Variants in AGBL1 observed in about 807,000 individuals in gnomAD.
AGBL1 encodes the protein AGBL carboxypeptidase 1, also known as cytosolic carboxypeptidase 4.
AGBL1 carries 130 observed loss-of-function variants against 118.9 expected under a neutral mutation model. The ratio of observed to expected loss-of-function variants is 1.09; its 90% CI spans 0.95 to 1.26. AGBL1 has a LOEUF of 1.26. Ranked by LOEUF, AGBL1 falls within the 50% of genes most tolerant of loss-of-function variation. The probability of loss-of-function intolerance (pLI) is 0.00; values close to 1 mark genes in which losing one functional copy is unlikely to be tolerated. For synonymous variants in AGBL1, 555 were observed against 478.9 expected (o/e 1.16, Z -2.08); for missense variants, 1,584 against 1,298.1 (o/e 1.22, Z -3.38).
rs1387752584 is a variant in AGBL1 at position 86,266,467 on chromosome 15, C to G, written c.1751+10C>G. On this transcript the variant is annotated intron_variant, in intron 12 of 22. Transcript: ENST00000614907. Reference sequence around the variant, plus strand: ...GTTTAGATGAGCCTTGGTAGGTAGTCTCGTGCATCTGAGGAAGGTGGGGCA... The same window carrying G: ...GTTTAGATGAGCCTTGGTAGGTAGTGTCGTGCATCTGAGGAAGGTGGGGCA... 2.6e-6 allele frequency: 4 copies of G among 1,550,002 alleles called. No individual in the cohort carries two copies. The highest frequency in any genetic ancestry group is 2.6e-6 in the Non-Finnish European group (3 of 1,142,552).
intron 22 of AGBL1, among the ~76,000 whole-genome samples, chr15:86,802,709 T>C (rs193019062): frequency 1.3e-5 from 2 of 152,154 alleles, no homozygotes; most frequent in Non-Finnish European, 2.9e-5. Context: ...CTCAATATTG[T>C]GCTATAAATG....
intron 22 of AGBL1, among the ~76,000 whole-genome samples, chr15:86,717,726 C>A (rs1324619646): frequency 6.6e-6 from 1 of 152,038 alleles, no homozygotes; most frequent in Non-Finnish European, 1.5e-5. Flanking sequence ...TGATACCTCC[C>A]AGAAAAATGG....
At chr15:87,018,406 A>G (rs2081629055) in intron 24 of AGBL1, among the ~76,000 whole-genome samples, 1 of 152,170 alleles carries the variant, frequency 6.6e-6, no homozygotes, top group Admixed American at 6.5e-5. Context: ...TCAGACTAAC[A>G]ATGGACATCT....
At chr15:86,883,503 A>G (rs1391956345) in intron 22 of AGBL1, among the ~76,000 whole-genome samples, 1 of 152,150 alleles carries the variant, frequency 6.6e-6, no homozygotes, top group Non-Finnish European at 1.5e-5. Context: ...TCCTCTTTAG[A>G]GACACCTTTC....
chr15:86,735,602 C>CTGTGTGTA (rs2077581324), intron 22 of AGBL1, among the ~76,000 whole-genome samples: 1 of 141,916 alleles, frequency 7.0e-6, no homozygotes, highest in African/African-American at 2.7e-5. Context: ...GAGATACAGA[C>CTGTGTGTA]TGTGTGTGTG....
rs146344965 is a variant in AGBL1 at position 86,311,328 on chromosome 15, A to T, written c.2374+15920A>T. Among the ~76,000 whole-genome samples, 209 of 152,282 alleles carry T rather than the reference A, an allele frequency of 1.4e-3. 4 individuals carry two copies. The East Asian group carries it at 0.036, about 26-fold the overall frequency. On this transcript the variant is annotated intron_variant, in intron 17 of 22. Transcript: ENST00000614907. ...TACCCCCTTGATCTTTCTACTTTAC[A>T]TGCTACTTTCTTCCATTAGAAAGAA...
intron 18 of AGBL1, among the ~76,000 whole-genome samples, chr15:86,459,304 G>T (rs947674294): frequency 3.9e-5 from 6 of 152,022 alleles, no homozygotes; most frequent in Non-Finnish European, 8.8e-5. Context: ...TTTTCCTCTG[G>T]CCTAATTTCA....
At chr15:86,770,275 A>C (rs949869095) in intron 22 of AGBL1, among the ~76,000 whole-genome samples, 1 of 151,954 alleles carries the variant, frequency 6.6e-6, no homozygotes, top group Admixed American at 6.6e-5. Context: ...AGATACATAA[A>C]TAACTATCAC....
At chr15:86,564,924 G>T (rs558908959) in intron 21 of AGBL1, among the ~76,000 whole-genome samples, 1 of 152,116 alleles carries the variant, frequency 6.6e-6, no homozygotes, top group East Asian at 1.9e-4. Context: ...TGATCGAATT[G>T]CCTACTGGAG....
chr15:86,677,316 C>T (rs1475626684), intron 22 of AGBL1, among the ~76,000 whole-genome samples: 5 of 152,152 alleles, frequency 3.3e-5, no homozygotes, highest in South Asian at 2.1e-4. Flanking sequence ...TTTTTGGTTT[C>T]CTTTTGCAGT....
intron 24 of AGBL1, among the ~76,000 whole-genome samples, chr15:87,007,694 G>A (rs1400383916): frequency 6.6e-6 from 1 of 152,174 alleles, no homozygotes; most frequent in African/African-American, 2.4e-5. Flanking sequence ...TTTGCTGGTG[G>A]AAGAATCAGC....
chr15:86,750,709 A>AT (rs2077836868), intron 22 of AGBL1, among the ~76,000 whole-genome samples: 1 of 151,938 alleles, frequency 6.6e-6, no homozygotes, highest in Admixed American at 6.6e-5. Flanking sequence ...TGTCATGGGC[A>AT]TTTGTTGTAC....
chr15:86,940,060 C>CTTTTTTTTTT lies in AGBL1; in HGVS notation c.3222-47908_3222-47899dup, dbSNP rs5814267. Among the ~76,000 whole-genome samples, 11 of 59,454 alleles carry CTTTTTTTTTT rather than the reference C, an allele frequency of 1.9e-4. 1 individual carries two copies. The highest frequency in any genetic ancestry group is 6.7e-4 in the East Asian group (1 of 1,484). 39.0% of individuals were successfully genotyped at this position (59,454 alleles called of 152,430 possible). ...ACAAACTCAGCTAATTTTGGTAGTC[C>CTTTTTTTTTT]TTTTTTTTTTTTTTTTTTTTTTTTT... On this transcript the variant is annotated intron_variant, in intron 23 of 24. Coordinates refer to the AGBL1 transcript ENST00000441037.
intron 5 of AGBL1, among the ~76,000 whole-genome samples, chr15:86,177,495 A>G (rs1374375643): frequency 1.3e-5 from 2 of 152,206 alleles, no homozygotes; most frequent in African/African-American, 2.4e-5. Context: ...CAGACTATAC[A>G]TTCTTTTCAA....
intron 4 of AGBL1, among the ~76,000 whole-genome samples, chr15:86,157,673 C>A (rs752452648): frequency 6.6e-6 from 1 of 152,118 alleles, no homozygotes; most frequent in Non-Finnish European, 1.5e-5. Flanking sequence ...AAGAAGCCTG[C>A]GGATTACTAT....
chr15:86,979,969 G>A (rs960159212), intron 23 of AGBL1, among the ~76,000 whole-genome samples: 1 of 152,114 alleles, frequency 6.6e-6, no homozygotes, highest in Admixed American at 6.5e-5. Flanking sequence ...ACAGGTGAGA[G>A]CAATTTCTCA....
chr15:86,273,272 T>C (rs7175047), intron 15 of AGBL1, among the ~76,000 whole-genome samples: 72,668 of 152,004 alleles, frequency 0.48, 17,830 homozygotes, highest in African/African-American at 0.58. Flanking sequence ...GAACCAATGC[T>C]GATAGCTTTT....
chr15:86,528,356 T>G, intron 19 of AGBL1, among the ~76,000 whole-genome samples: 1 of 152,206 alleles, frequency 6.6e-6, no homozygotes, highest in South Asian at 2.1e-4. Context: ...CGGACGCACC[T>G]GGAAAATCAG....
At chr15:86,854,212 G>C (rs182923748) in intron 22 of AGBL1, among the ~76,000 whole-genome samples, 1 of 152,140 alleles carries the variant, frequency 6.6e-6, no homozygotes, top group Non-Finnish European at 1.5e-5. Context: ...GTTGATGGGG[G>C]TGTACATCCC....
Sources: allele counts gnomAD v4.1 joint callset (sites outside exome capture counted in the v4.1 genomes callset), GRCh38; gene constraint gnomAD v4.1.1; transcripts MANE v1.5; gene names NCBI Gene and HGNC (gene_info 2026-07-23, HGNC 2026-07-21).